The following GRID1 variants were observed in gnomAD, a reference collection of about 807,000 sequenced individuals.
GRID1 encodes the protein glutamate receptor ionotropic, delta-1.
In GRID1, 28 loss-of-function variants were observed where a neutral mutation model predicts 98.0. That is an observed-to-expected ratio of 0.29 (90% CI 0.21 to 0.39). The LOEUF (loss-of-function observed/expected upper bound fraction) is 0.39. GRID1 is among the 10% of genes least tolerant of loss of function. The probability of loss-of-function intolerance (pLI) is 1.00; values close to 1 mark genes in which losing one functional copy is unlikely to be tolerated. For missense variants in GRID1, 1,111 were observed against 1,340.5 expected, an observed-to-expected ratio of 0.83 and a Z score of 2.67; for synonymous variants, 553 against 538.5, an observed-to-expected ratio of 1.03 and a Z score of -0.37.
chr10:85,840,220 TG>T (rs1189354076), intron 8 of GRID1, among the ~76,000 whole-genome samples: 4 of 151,972 alleles, frequency 2.6e-5, no homozygotes, highest in Admixed American at 6.6e-5. Context: ...TCTAAAAAAT[TG>T]AGGAGGAGAA....
At chr10:85,680,257 A>G (rs1841192922) in intron 12 of GRID1, among the ~76,000 whole-genome samples, 1 of 151,916 alleles carries the variant, frequency 6.6e-6, no homozygotes, top group African/African-American at 2.4e-5. Context: ...CCAGTGTCCA[A>G]CTCCACCAGT....
At chr10:86,217,584 C>G (rs1846193940) in intron 2 of GRID1, among the ~76,000 whole-genome samples, 1 of 152,104 alleles carries the variant, frequency 6.6e-6, no homozygotes. Context: ...GGCCAGACAC[C>G]AATCATGGCC....
chr10:85,831,289 G>A (rs1183095330), intron 8 of GRID1, among the ~76,000 whole-genome samples: 1 of 151,928 alleles, frequency 6.6e-6, no homozygotes, highest in Non-Finnish European at 1.5e-5. Context: ...GTACATGAGG[G>A]TGGAGGGTGG....
At chr10:86,185,076 A>C (rs1276565251) in intron 3 of GRID1, among the ~76,000 whole-genome samples, 1 of 152,096 alleles carries the variant, frequency 6.6e-6, no homozygotes, top group Non-Finnish European at 1.5e-5. Context: ...TTTGGGGAGA[A>C]CTAATATTTT....
intron 5 of GRID1, among the ~76,000 whole-genome samples, chr10:85,880,230 C>A (rs1291339028): frequency 6.6e-6 from 1 of 152,146 alleles, no homozygotes; most frequent in Non-Finnish European, 1.5e-5. Flanking sequence ...TGAAACTATT[C>A]CAATCAACAG....
At chr10:86,359,522 C>A (rs915522582) in intron 2 of GRID1, among the ~76,000 whole-genome samples, 1 of 152,226 alleles carries the variant, frequency 6.6e-6, no homozygotes, top group Admixed American at 6.5e-5. Context: ...GAACCACAAG[C>A]TATTCTTGGT....
intron 8 of GRID1, among the ~76,000 whole-genome samples, chr10:85,807,890 C>CT: frequency 6.6e-6 from 1 of 152,238 alleles, no homozygotes; most frequent in South Asian, 2.1e-4. Flanking sequence ...AAGAGAAACT[C>CT]TTGTACATCA....
At chr10:85,743,182 G>A (rs1346685089) in intron 8 of GRID1, among the ~76,000 whole-genome samples, 1 of 134,328 alleles carries the variant, frequency 7.4e-6, no homozygotes, top group Non-Finnish European at 1.5e-5. Flanking sequence ...GTAACCCTGA[G>A]ACCACCATGC....
In GRID1 at chr10:85,848,995, A is replaced by T. The variant is rs572636678; in HGVS notation, c.1233+5501T>A. Among the ~76,000 whole-genome samples the T allele has an allele frequency of 6.6e-5, 10 of 152,324 alleles. No individual in the cohort carries two copies. In the South Asian group the frequency reaches 1.2e-3, roughly 19 times the overall value. ...GAGCAGCTTAATAGAGACACTGCAC[A>T]GTCCTCAGACTAGATCCTCCCAGCC... On this transcript the variant is annotated intron_variant, in intron 8 of 15. Coordinates refer to ENST00000327946, the MANE Select transcript of GRID1 (RefSeq NM_017551.3).
At chr10:86,196,927 G>C (rs984503668) in intron 3 of GRID1, among the ~76,000 whole-genome samples, 2 of 152,000 alleles carry the variant, frequency 1.3e-5, no homozygotes, top group African/African-American at 4.8e-5. Flanking sequence ...CCAATAAATG[G>C]GCAATGAAAC....
intron 4 of GRID1, among the ~76,000 whole-genome samples, chr10:85,975,876 A>T (rs1009282063): frequency 6.6e-6 from 1 of 152,228 alleles, no homozygotes; most frequent in African/African-American, 2.4e-5. Context: ...TTTCATCTAC[A>T]TGAAAAATAT....
At chr10:85,731,572 G>A (rs542063311) in intron 8 of GRID1, among the ~76,000 whole-genome samples, 21 of 152,164 alleles carry the variant, frequency 1.4e-4, no homozygotes, top group African/African-American at 5.1e-4. Context: ...AGGCCAAGGT[G>A]GGTGGATCGC....
At chr10:85,970,356 A>G (rs1299468682) in intron 4 of GRID1, among the ~76,000 whole-genome samples, 1 of 152,094 alleles carries the variant, frequency 6.6e-6, no homozygotes, top group Non-Finnish European at 1.5e-5. Flanking sequence ...TCAGACAAAG[A>G]CACCACAAGA....
intron 4 of GRID1, among the ~76,000 whole-genome samples, chr10:85,969,960 A>C (rs912142334): frequency 2.0e-5 from 3 of 152,024 alleles, no homozygotes; most frequent in African/African-American, 7.2e-5. Flanking sequence ...TTTATCAATT[A>C]AAAATTATAG....
intron 4 of GRID1, among the ~76,000 whole-genome samples, chr10:86,045,589 C>A (rs1843411541): frequency 6.6e-6 from 1 of 151,984 alleles, no homozygotes; most frequent in African/African-American, 2.4e-5. Context: ...CTCCTGAGAC[C>A]CTCTGGGAGG....
intron 8 of GRID1, among the ~76,000 whole-genome samples, chr10:85,758,129 T>C (rs1026593890): frequency 2.0e-5 from 3 of 152,236 alleles, no homozygotes; most frequent in African/African-American, 4.8e-5. Flanking sequence ...TATCTAGCTA[T>C]AGCATTTGAG....
At chr10:85,822,736 C>G (rs1171785657) in intron 8 of GRID1, among the ~76,000 whole-genome samples, 1 of 152,122 alleles carries the variant, frequency 6.6e-6, no homozygotes, top group South Asian at 2.1e-4. Flanking sequence ...GACACATGCA[C>G]ACGTATGTTT....
intron 3 of GRID1, among the ~76,000 whole-genome samples, chr10:86,184,990 T>C (rs1170880846): frequency 6.6e-6 from 1 of 152,162 alleles, no homozygotes; most frequent in African/African-American, 2.4e-5. Context: ...ATACAAATTT[T>C]ACAATTAGCA....
chr10:86,289,538 C>T (rs1435698489), intron 2 of GRID1, among the ~76,000 whole-genome samples: 1 of 151,970 alleles, frequency 6.6e-6, no homozygotes, highest in Non-Finnish European at 1.5e-5. Context: ...CCCCGTGCCA[C>T]TCTCCTAACT....
Sources: allele counts gnomAD v4.1 joint callset (sites outside exome capture counted in the v4.1 genomes callset), GRCh38; gene constraint gnomAD v4.1.1; transcripts MANE v1.5; gene names NCBI Gene and HGNC (gene_info 2026-07-23, HGNC 2026-07-21).